Variants in AKNAD1 observed in about 807,000 individuals in gnomAD.
AKNAD1 encodes AKNA domain containing 1, also known as protein AKNAD1.
AKNAD1 carries 67 observed loss-of-function variants against 90.8 expected under a neutral mutation model. The ratio of observed to expected loss-of-function variants is 0.74; its 90% CI spans 0.61 to 0.90. AKNAD1 has a LOEUF of 0.90. Ranked by LOEUF, AKNAD1 falls within the 40% of genes least tolerant of loss-of-function variation. The probability of loss-of-function intolerance (pLI) is 0.00; values close to 1 mark genes in which losing one functional copy is unlikely to be tolerated. For synonymous variants in AKNAD1, 327 were observed against 341.4 expected, an observed-to-expected ratio of 0.96 and a Z score of 0.46; for missense variants, 957 against 975.4, an observed-to-expected ratio of 0.98 and a Z score of 0.25.
intron 1 of AKNAD1, among the ~76,000 whole-genome samples, chr1:108,856,722 A>T (rs1418417052): frequency 4.1e-5 from 6 of 147,232 alleles, no homozygotes; most frequent in African/African-American, 1.6e-4. Context: ...TCTCTCTCAC[A>T]CACACATAAA....
At chr1:108,828,156 G>A (rs113232769) in intron 10 of AKNAD1, among the ~76,000 whole-genome samples, 1,587 of 151,798 alleles carry the variant, frequency 0.01, 29 homozygotes, top group African/African-American at 0.036. Context: ...CTATACGTCA[G>A]TAATGGGTCA....
intron 11 of AKNAD1, among the ~76,000 whole-genome samples, chr1:108,824,955 A>G (rs748563424): frequency 3.0e-4 from 46 of 151,602 alleles, no homozygotes; most frequent in Non-Finnish European, 5.6e-4. Context: ...ATAACTTCCA[A>G]ACCTAGGCCA....
intron 14 of AKNAD1, 194 bp from the exon 15 acceptor site, chr1:108,817,371 G>A: frequency 2.0e-6 from 1 of 501,136 alleles, no homozygotes; most frequent in Non-Finnish European, 3.4e-6. Flanking sequence ...TTGTTGCCAT[G>A]ACCATGCGGG....
At chr1:108,833,376 A>T (rs1157622400) in intron 9 of AKNAD1, among the ~76,000 whole-genome samples, 1 of 152,136 alleles carries the variant, frequency 6.6e-6, no homozygotes, top group Non-Finnish European at 1.5e-5. Context: ...TGAGGTCGGG[A>T]GTTCTAGACC....
chr1:108,852,382 G>A lies in AKNAD1; in HGVS notation c.283C>T (p.Leu95Phe). The A allele has an allele frequency of 6.2e-7, 1 of 1,614,024 alleles. No individual in the cohort carries two copies. The highest frequency in any genetic ancestry group is 8.5e-7 in the Non-Finnish European group (1 of 1,179,998). ...TCTCCTTCATTTGCTGGAATATGAA[G>A]AGCTGCAGTGCATTGTTTCTCTTTC... ...DEKEKQCTAA[L>F]HIPANEGDAS... The change falls in exon 2 of 16, where the codon CTT becomes TTT. Residue 95 changes from leucine to phenylalanine, a missense_variant. Physicochemically the swap from Leu to Phe is conservative, Grantham distance 22. Transcript: ENST00000370001.
At chr1:108,822,721 A>T (rs1335346735) in intron 13 of AKNAD1, among the ~76,000 whole-genome samples, 1 of 152,230 alleles carries the variant, frequency 6.6e-6, no homozygotes, top group Non-Finnish European at 1.5e-5. Flanking sequence ...GCTGTCGTTC[A>T]GTGGTAAAAC....
intron 2 of AKNAD1, among the ~76,000 whole-genome samples, chr1:108,851,460 A>G (rs1570829886): frequency 6.6e-6 from 1 of 152,132 alleles, no homozygotes; most frequent in Non-Finnish European, 1.5e-5. Flanking sequence ...TTTGGATTTT[A>G]TTCTCTTATA....
intron 10 of AKNAD1, among the ~76,000 whole-genome samples, chr1:108,828,163 G>C (rs1270403838): frequency 1.3e-5 from 2 of 151,724 alleles, no homozygotes; most frequent in Non-Finnish European, 2.9e-5. Flanking sequence ...TCAGTAATGG[G>C]TCACGTAGCT....
At chr1:108,832,641 A>G (rs1236014887) in intron 9 of AKNAD1, among the ~76,000 whole-genome samples, 2 of 152,158 alleles carry the variant, frequency 1.3e-5, no homozygotes, top group African/African-American at 4.8e-5. Context: ...TCAGTTGTCT[A>G]TCTACATTTT....
intron 7 of AKNAD1, chr1:108,837,330 A>T (rs1664416242): frequency 2.0e-6 from 1 of 487,942 alleles, no homozygotes; most frequent in South Asian, 4.3e-5. Flanking sequence ...GCATTGTTAC[A>T]TCCTAAACTA....
chr1:108,841,386 C>G (rs1664547060), intron 6 of AKNAD1, among the ~76,000 whole-genome samples: 2 of 151,936 alleles, frequency 1.3e-5, no homozygotes, highest in South Asian at 4.1e-4. Flanking sequence ...TAAAGCAGAA[C>G]ATAAGATTTT....
Position 108,852,760 on chromosome 1 carries a change from G to A in AKNAD1, c.-96C>T, listed in dbSNP as rs1045645013. On this transcript the variant is annotated 5_prime_UTR_variant, in exon 2 of 16. Coordinates refer to ENST00000370001, the MANE Select transcript of AKNAD1 (RefSeq NM_152763.5). ...GGTTCTCACTGACTGTCTTCACTGT[G>A]TGCTATTCTGTGTGAAATGAGAACA... The A allele has an allele frequency of 1.7e-6, 2 of 1,146,580 alleles. No homozygotes were observed. Among genetic ancestry groups the A allele is most frequent in the Admixed American group, 2.5e-5 (1 of 39,260 alleles). The allele number at this position is 1,146,580 out of a possible 1,614,324, so 71.0% of individuals were successfully genotyped here. A position where few individuals can be genotyped will look rare whatever the true frequency, so the allele number is the denominator to read the frequency against.
chr1:108,842,932 A>G (rs1213648512), intron 6 of AKNAD1, among the ~76,000 whole-genome samples: 1 of 152,176 alleles, frequency 6.6e-6, no homozygotes, highest in Non-Finnish European at 1.5e-5. Flanking sequence ...CATCTGAGTC[A>G]ATGTCCAGCA....
chr1:108,830,071 G>A (rs1016838791), intron 10 of AKNAD1, among the ~76,000 whole-genome samples: 2 of 152,162 alleles, frequency 1.3e-5, no homozygotes, highest in Non-Finnish European at 2.9e-5. Flanking sequence ...GGACTGGGGG[G>A]CTCAGGTGAA....
At chr1:108,853,213 G>A (rs7555482) in intron 1 of AKNAD1, among the ~76,000 whole-genome samples, 19,659 of 148,082 alleles carry the variant, frequency 0.13, 1,370 homozygotes, top group Middle Eastern at 0.15. Context: ...CTCACTGCAA[G>A]CTCCACCTCC....
At chr1:108,826,034 T>C (rs1334086403) in intron 11 of AKNAD1, among the ~76,000 whole-genome samples, 1 of 151,694 alleles carries the variant, frequency 6.6e-6, no homozygotes, top group Non-Finnish European at 1.5e-5. Context: ...AGGAAGGACC[T>C]GGTGGCCCCC....
chr1:108,831,382 A>G (rs1664188730), intron 9 of AKNAD1, among the ~76,000 whole-genome samples: 1 of 152,198 alleles, frequency 6.6e-6, no homozygotes, highest in African/African-American at 2.4e-5. Flanking sequence ...GTCTGGGCCA[A>G]AGGTTGCGAA....
intron 14 of AKNAD1, 101 bp from the exon 15 acceptor site, chr1:108,817,278 G>C: frequency 1.3e-6 from 2 of 1,485,804 alleles, no homozygotes; most frequent in Non-Finnish European, 1.8e-6. Flanking sequence ...GTGTGGTTTG[G>C]GTGTGGGTGG....
intron 1 of AKNAD1, among the ~76,000 whole-genome samples, chr1:108,856,357 ATAAT>A (rs1282808089): frequency 1.3e-5 from 2 of 152,134 alleles, no homozygotes; most frequent in East Asian, 1.9e-4. Context: ...CTTTTAAAAT[ATAAT>A]TAATTAAAAC....
Sources: allele counts gnomAD v4.1 joint callset (sites outside exome capture counted in the v4.1 genomes callset), GRCh38; gene constraint gnomAD v4.1.1; transcripts MANE v1.5; gene names NCBI Gene and HGNC (gene_info 2026-07-23, HGNC 2026-07-21).